Variants in LCMT1 observed in about 807,000 individuals in gnomAD.
The protein encoded by LCMT1 is leucine carboxyl methyltransferase 1.
In LCMT1, 32 loss-of-function variants were observed where a neutral mutation model predicts 47.7. The ratio of observed to expected loss-of-function variants is 0.67; its 90% CI spans 0.51 to 0.90. The LOEUF is 0.90. LCMT1 is among the 40% of genes least tolerant of loss of function. The pLI, the probability that LCMT1 is intolerant of heterozygous loss-of-function variation, is 0.00. For synonymous variants in LCMT1, 152 were observed against 149.7 expected, an observed-to-expected ratio of 1.02 and a Z score of -0.11; for missense variants, 375 against 415.2, an observed-to-expected ratio of 0.90 and a Z score of 0.84.
chr16:25,142,286 C>T (rs1960717906), intron 4 of LCMT1: 1 of 152,222 alleles, frequency 6.6e-6, no homozygotes, highest in African/African-American at 2.4e-5. Context: ...TTTTTCTTTA[C>T]TGCTAAGAGA....
At chr16:25,171,454 A>G (rs1027758988) in intron 9 of LCMT1, among the ~76,000 whole-genome samples, 4 of 152,054 alleles carry the variant, frequency 2.6e-5, no homozygotes, top group African/African-American at 9.7e-5. Flanking sequence ...ACCCCAAAAA[A>G]CAAGACCCTA....
intron 7 of LCMT1, among the ~76,000 whole-genome samples, chr16:25,164,982 C>T (rs1482456615): frequency 6.6e-6 from 1 of 152,154 alleles, no homozygotes; most frequent in African/African-American, 2.4e-5. Context: ...ACCATGGAGT[C>T]ATAGAACATG....
intron 10 of LCMT1, 89 bp downstream of exon 10, chr16:25,175,123 T>C: frequency 1.4e-6 from 1 of 711,240 alleles, no homozygotes; most frequent in Non-Finnish European, 2.4e-6. Flanking sequence ...GTTTTTTGTC[T>C]TCCCTCTTTC....
intron 1 of LCMT1, among the ~76,000 whole-genome samples, chr16:25,114,234 G>T (rs1959717843): frequency 2.0e-5 from 3 of 152,120 alleles, no homozygotes; most frequent in African/African-American, 7.2e-5. Flanking sequence ...TCTTCCTTTG[G>T]TATAGAGTCC....
chr16:25,169,072 A>G, intron 7 of LCMT1, 40 bp from the exon 8 acceptor site: 1 of 1,372,142 alleles, frequency 7.3e-7, no homozygotes, highest in South Asian at 1.2e-5. Flanking sequence ...ATATTTAGGA[A>G]ACCCTTAGAG....
chr16:25,163,115 G>A (rs1248677990), intron 6 of LCMT1, among the ~76,000 whole-genome samples: 2 of 152,170 alleles, frequency 1.3e-5, no homozygotes, highest in Admixed American at 6.5e-5. Context: ...AACTGCCTTC[G>A]CCTCCCAAAG....
intron 1 of LCMT1, among the ~76,000 whole-genome samples, chr16:25,121,878 T>G (rs1461108184): frequency 6.6e-6 from 1 of 152,230 alleles, no homozygotes; most frequent in African/African-American, 2.4e-5. Context: ...AGTGGCATAG[T>G]AGGAGCATAT....
At chr16:25,169,930 A>G (rs990775850) in intron 8 of LCMT1, among the ~76,000 whole-genome samples, 7 of 151,932 alleles carry the variant, frequency 4.6e-5, no homozygotes, top group Non-Finnish European at 8.8e-5. Context: ...AAGTAGGTTC[A>G]TTTTTTTGGG....
Position 25,132,398 on chromosome 16 carries a change from C to G in LCMT1, c.206-4C>G, listed in dbSNP as rs770440073. 4.3e-6 allele frequency: 7 copies of G among 1,613,460 alleles called. No homozygotes were observed. In the South Asian group the frequency reaches 5.5e-5, roughly 13 times the overall value. On this transcript the variant is annotated splice_polypyrimidine_tract_variant and splice_region_variant and intron_variant, in intron 2 of 10. Coordinates refer to ENST00000399069, the MANE Select transcript of LCMT1 (RefSeq NM_016309.3). Reference sequence around the variant, plus strand: ...CTTGTTTCTGTGCCTCCCCTCCCCCCTAGGATATTTTGCTCGAGTCCATGG... The same window carrying G: ...CTTGTTTCTGTGCCTCCCCTCCCCCGTAGGATATTTTGCTCGAGTCCATGG...
chr16:25,163,141 G>A (rs897574182), intron 6 of LCMT1, among the ~76,000 whole-genome samples: 5 of 152,302 alleles, frequency 3.3e-5, no homozygotes, highest in Admixed American at 1.3e-4. Flanking sequence ...GAATTAACAG[G>A]CGTGAGCCAT....
chr16:25,176,414 A>C (rs1029588500), intron 10 of LCMT1, among the ~76,000 whole-genome samples: 7 of 152,050 alleles, frequency 4.6e-5, no homozygotes, highest in Admixed American at 1.3e-4. Context: ...CTATGCAAAA[A>C]TTCCAGGTTG....
rs757694684 is a variant in LCMT1, at chr16:25,169,375, A to G, written c.792+162A>G. 76 of 566,428 alleles carry G rather than the reference A, an allele frequency of 1.3e-4. 1 individual carries two copies. In the Middle Eastern group the frequency reaches 2.3e-3, roughly 18 times the overall value. 35.1% of individuals were successfully genotyped at this position (566,428 alleles called of 1,614,324 possible). Reference sequence around the variant, plus strand: ...GGGCCGCTAGTTCATGATGCTGGGAAGACCAAGTCCTGCTTCACCATCACA... The same window carrying G: ...GGGCCGCTAGTTCATGATGCTGGGAGGACCAAGTCCTGCTTCACCATCACA... On this transcript the variant is annotated intron_variant, in intron 8 of 10. Coordinates refer to ENST00000399069, the MANE Select transcript of LCMT1 (RefSeq NM_016309.3).
chr16:25,148,964 C>T (rs1040214691), intron 4 of LCMT1: 6 of 152,198 alleles, frequency 3.9e-5, no homozygotes, highest in African/African-American at 7.2e-5. Context: ...CCGGGAGAGA[C>T]GTTTTATTAG....
intron 2 of LCMT1, among the ~76,000 whole-genome samples, chr16:25,129,263 A>G (rs1960282189): frequency 1.3e-5 from 2 of 152,122 alleles, no homozygotes; most frequent in South Asian, 4.1e-4. Context: ...ACAAACCTGC[A>G]CATTCTGCAC....
chr16:25,126,821 G>T (rs768712873), intron 1 of LCMT1, among the ~76,000 whole-genome samples: 2 of 152,210 alleles, frequency 1.3e-5, no homozygotes, highest in Non-Finnish European at 2.9e-5. Context: ...ACTTGATGTT[G>T]CTGCCTTGGT....
In LCMT1 at chr16:25,170,772, T is replaced by C. The variant is rs767577228; in HGVS notation, c.851T>C (p.Leu284Ser). 22 of 1,613,302 alleles carry C rather than the reference T, an allele frequency of 1.4e-5. No individual in the cohort carries two copies. Among genetic ancestry groups the C allele is most frequent in the Non-Finnish European group, 1.9e-5 (22 of 1,179,424 alleles). ...ETASAVDMMELYNRLPRAEVS... is the reference protein window; with the variant it reads ...ETASAVDMMESYNRLPRAEVS... ...GCATCGGCCGTCGACATGATGGAGT[T>C]GTACAACAGGTTACCTCGAGCTGAA... Residue 284 changes from leucine to serine, a missense_variant, in exon 9 of 11, where the codon TTG becomes TCG. Coordinates refer to ENST00000399069, the MANE Select transcript of LCMT1 (RefSeq NM_016309.3).
At chr16:25,136,080 G>A (rs1468779908) in intron 3 of LCMT1, among the ~76,000 whole-genome samples, 1 of 128,294 alleles carries the variant, frequency 7.8e-6, no homozygotes, top group African/African-American at 2.9e-5. Context: ...GTCCAAGCGA[G>A]ATGCTGTCTC....
intron 9 of LCMT1, among the ~76,000 whole-genome samples, chr16:25,172,708 A>G (rs957941326): frequency 2.9e-4 from 44 of 152,366 alleles, no homozygotes; most frequent in African/African-American, 9.6e-4. Flanking sequence ...ATAATTGGCA[A>G]TGAAAGCCTA....
At chr16:25,119,897 A>G (rs556682159) in intron 1 of LCMT1, among the ~76,000 whole-genome samples, 178 of 152,180 alleles carry the variant, frequency 1.2e-3, no homozygotes, top group African/African-American at 4.2e-3. Context: ...ACGGTGGCTC[A>G]TGCCTGTAAT....
Sources: gnomAD v4.1 joint callset for allele counts (sites outside exome capture counted in the v4.1 genomes callset) on GRCh38, gnomAD v4.1.1 for gene constraint, MANE v1.5 for transcripts, NCBI Gene and HGNC (gene_info 2026-07-23, HGNC 2026-07-21) for gene names.